Variants in GRB14 observed in about 807,000 individuals in gnomAD.
GRB14 encodes growth factor receptor bound protein 14, also known as growth factor receptor-bound protein 14.
GRB14 carries 38 observed loss-of-function variants against 69.1 expected under a neutral mutation model. The ratio of observed to expected loss-of-function variants is 0.55; its 90% CI spans 0.42 to 0.72. The LOEUF is 0.72. Among genes scored for constraint, GRB14 ranks in the 30% least tolerant of loss-of-function variants. The probability of loss-of-function intolerance (pLI) is 0.00; values close to 1 mark genes in which losing one functional copy is unlikely to be tolerated. For missense variants in GRB14, 666 were observed against 666.1 expected, an observed-to-expected ratio of 1.00 and a Z score of 0.00; for synonymous variants, 247 against 241.3, an observed-to-expected ratio of 1.02 and a Z score of -0.22.
rs1056026485 is a variant in GRB14 at position 164,574,047 on chromosome 2, T to C, written c.325-26231A>G. The C allele has an allele frequency of 3.3e-6, 4 of 1,204,616 alleles. No homozygotes were observed. In the South Asian group the frequency reaches 3.7e-5, roughly 11 times the overall value. 74.6% of individuals were successfully genotyped at this position (1,204,616 alleles called of 1,614,324 possible). A position where few individuals can be genotyped will look rare whatever the true frequency, so the allele number is the denominator to read the frequency against. ...ATAGATTGTTGCAGCAATAAATATG[T>C]AGCCTAGATCTTCAGAGGTAAATTC... On this transcript the variant is annotated intron_variant, in intron 2 of 13. Transcript: ENST00000263915.
chr2:164,507,251 A>G (rs1373662996), intron 8 of GRB14, among the ~76,000 whole-genome samples: 2 of 152,152 alleles, frequency 1.3e-5, no homozygotes, highest in African/African-American at 4.8e-5. Context: ...AAGAGGTAAA[A>G]ATGGCAAAGG....
At chr2:164,570,641 A>G (rs1689104288) in intron 2 of GRB14, among the ~76,000 whole-genome samples, 1 of 152,180 alleles carries the variant, frequency 6.6e-6, no homozygotes, top group Non-Finnish European at 1.5e-5. Flanking sequence ...GGTGAGGAAT[A>G]TGCAGAACTT....
At position 164,536,892 on chromosome 2, in the gene GRB14, T is replaced by A. The variant is rs1056763045; in HGVS notation, c.482-9757A>T. Among the ~76,000 whole-genome samples, 4 of 152,174 alleles carry A rather than the reference T, an allele frequency of 2.6e-5. No homozygotes were observed. The South Asian group carries it at 8.3e-4, about 31-fold the overall frequency. On this transcript the variant is annotated intron_variant, in intron 3 of 13. Transcript: ENST00000263915. ...CTATATAGTATGTCCTGTGGAAGCA[T>A]CACCTCCCAGGACACAATTCATCAC...
chr2:164,586,701 A>G (rs1689547955), intron 2 of GRB14, among the ~76,000 whole-genome samples: 1 of 152,218 alleles, frequency 6.6e-6, no homozygotes, highest in Non-Finnish European at 1.5e-5. Context: ...CAGCCTAGAC[A>G]TCACTTTAAG....
intron 2 of GRB14, among the ~76,000 whole-genome samples, chr2:164,586,489 C>T (rs1052860319): frequency 6.6e-6 from 1 of 152,176 alleles, no homozygotes; most frequent in Non-Finnish European, 1.5e-5. Context: ...CTTTTATAGA[C>T]TTCTACCTTA....
intron 3 of GRB14, among the ~76,000 whole-genome samples, chr2:164,534,507 T>C (rs1169180008): frequency 6.6e-6 from 1 of 152,094 alleles, no homozygotes; most frequent in Non-Finnish European, 1.5e-5. Context: ...ATGGACTACT[T>C]TGAGAAGAAA....
chr2:164,514,917 G>A (rs1250669919), intron 6 of GRB14, among the ~76,000 whole-genome samples: 3 of 152,254 alleles, frequency 2.0e-5, no homozygotes, highest in East Asian at 1.9e-4. Flanking sequence ...CAGGAGCTGC[G>A]TGAGGCCTGT....
chr2:164,557,417 T>C (rs1316160551), intron 2 of GRB14, among the ~76,000 whole-genome samples: 1 of 152,222 alleles, frequency 6.6e-6, no homozygotes, highest in African/African-American at 2.4e-5. Flanking sequence ...GTAGAAATAA[T>C]TCTTAAAAAT....
chr2:164,499,839 A>G (rs998639049), intron 9 of GRB14, among the ~76,000 whole-genome samples: 8 of 152,130 alleles, frequency 5.3e-5, no homozygotes, highest in African/African-American at 1.9e-4. Context: ...GCAAAAGGGC[A>G]CACAATTTCT....
At chr2:164,499,421 T>G (rs1437303713) in intron 9 of GRB14, among the ~76,000 whole-genome samples, 2 of 152,074 alleles carry the variant, frequency 1.3e-5, no homozygotes, top group Non-Finnish European at 2.9e-5. Context: ...GATAGAAAAT[T>G]AATAGTTTAC....
intron 2 of GRB14, among the ~76,000 whole-genome samples, chr2:164,613,071 T>C (rs747613786): frequency 2.0e-5 from 3 of 152,022 alleles, no homozygotes; most frequent in Non-Finnish European, 4.4e-5. Flanking sequence ...CTCAGGAAAA[T>C]GGACAAGGAA....
At chr2:164,564,288 G>A (rs1024256283) in intron 2 of GRB14, among the ~76,000 whole-genome samples, 1 of 152,360 alleles carries the variant, frequency 6.6e-6, no homozygotes, top group South Asian at 2.1e-4. Flanking sequence ...GGCTTCAAGG[G>A]AAGCTGGGCA....
chr2:164,536,981 G>A (rs542681579), intron 3 of GRB14, among the ~76,000 whole-genome samples: 1 of 152,282 alleles, frequency 6.6e-6, no homozygotes, highest in Admixed American at 6.5e-5. Context: ...CCCAAGGGGT[G>A]TATGAGTACG....
chr2:164,577,513 C>T (rs1436222369), intron 2 of GRB14, among the ~76,000 whole-genome samples: 2 of 152,222 alleles, frequency 1.3e-5, no homozygotes, highest in African/African-American at 2.4e-5. Context: ...TGAAGACATG[C>T]TTGCTTCCCC....
intron 2 of GRB14, among the ~76,000 whole-genome samples, chr2:164,579,985 C>T (rs1179661696): frequency 6.6e-6 from 1 of 152,070 alleles, no homozygotes; most frequent in African/African-American, 2.4e-5. Context: ...AGGGCAAGTA[C>T]TTAATAGAGT....
At position 164,585,355 on chromosome 2, in the gene GRB14, G is replaced by T. The variant is rs114784242; in HGVS notation, c.324+34332C>A. On this transcript the variant is annotated intron_variant, in intron 2 of 13. Transcript: ENST00000263915. ...GTTCAAGAGCAAAACAAGCTAAATGGTACAAAAAATTTCATTTAAATGCAC... is the reference window on the plus strand; with the variant it reads ...GTTCAAGAGCAAAACAAGCTAAATGTTACAAAAAATTTCATTTAAATGCAC... 3.2e-3 allele frequency among the ~76,000 whole-genome samples: 493 copies of T among 151,790 alleles called. 2 individuals are homozygous for T. The highest frequency in any genetic ancestry group is 0.011 in the African/African-American group (439 of 41,388).
intron 2 of GRB14, among the ~76,000 whole-genome samples, chr2:164,562,713 A>G (rs969061666): frequency 8.5e-5 from 13 of 152,156 alleles, no homozygotes; most frequent in Admixed American, 2.0e-4. Context: ...TTGAATCCTC[A>G]CAACTGTTCT....
chr2:164,513,947 T>C (rs1307970600), intron 6 of GRB14, among the ~76,000 whole-genome samples: 1 of 152,134 alleles, frequency 6.6e-6, no homozygotes, highest in African/African-American at 2.4e-5. Context: ...TATAACATAA[T>C]GGACATAGAC....
At chr2:164,512,786 T>C (rs909577393) in intron 6 of GRB14, among the ~76,000 whole-genome samples, 31 of 152,174 alleles carry the variant, frequency 2.0e-4, no homozygotes, top group African/African-American at 7.5e-4. Flanking sequence ...AAGTCAGGTA[T>C]AACTATTTTG....
Sources: gnomAD v4.1 joint callset for allele counts (sites outside exome capture counted in the v4.1 genomes callset) on GRCh38, gnomAD v4.1.1 for gene constraint, MANE v1.5 for transcripts, NCBI Gene and HGNC (gene_info 2026-07-23, HGNC 2026-07-21) for gene names.